Variants in SLC18A1 observed in about 807,000 individuals in gnomAD.
The protein encoded by SLC18A1 is chromaffin granule amine transporter.
SLC18A1 carries 69 observed loss-of-function variants against 53.7 expected under a neutral mutation model. The ratio of observed to expected loss-of-function variants is 1.28; its 90% CI spans 1.06 to 1.57. The LOEUF is 1.57. SLC18A1 is among the 40% of genes most tolerant of loss of function. The pLI is 0.00. For synonymous variants in SLC18A1, 320 were observed against 248.1 expected, an observed-to-expected ratio of 1.29 and a Z score of -2.72; for missense variants, 932 against 668.1, an observed-to-expected ratio of 1.40 and a Z score of -4.35.
At chr8:20,148,782 C>A (rs892269964) in intron 12 of SLC18A1, among the ~76,000 whole-genome samples, 5 of 152,174 alleles carry the variant, frequency 3.3e-5, no homozygotes, top group Non-Finnish European at 7.3e-5. Context: ...TGGCTGATAA[C>A]AATTTTTAGG....
chr8:20,165,150 T>C (rs748955428), intron 8 of SLC18A1, 43 bp from the exon 9 acceptor site: 17 of 1,498,858 alleles, frequency 1.1e-5, no homozygotes, highest in Non-Finnish European at 1.6e-5. Flanking sequence ...GTACAGTGCA[T>C]ACATCTCTCC....
intron 10 of SLC18A1, 118 bp from the exon 11 acceptor site, chr8:20,150,862 GT>G: frequency 1.1e-6 from 1 of 891,760 alleles, no homozygotes; most frequent in Non-Finnish European, 1.8e-6. Flanking sequence ...AAACCACTTT[GT>G]TTTATGATCT....
rs371096365 is a variant in SLC18A1 at position 20,162,259 on chromosome 8, C to T, written c.1015+2610G>A. Among the ~76,000 whole-genome samples, 9 of 152,288 alleles carry T rather than the reference C, an allele frequency of 5.9e-5. No individual in the cohort carries two copies. In the South Asian group the frequency reaches 1.5e-3, roughly 25 times the overall value. On this transcript the variant is annotated intron_variant, in intron 10 of 15. Coordinates refer to ENST00000276373, the MANE Select transcript of SLC18A1 (RefSeq NM_003053.4). ...GGGCCAGTAATGGGAAGCACAGCTTCGAAGGTCTCTAAAATGCCTTTGGGT... is the reference window on the plus strand; with the variant it reads ...GGGCCAGTAATGGGAAGCACAGCTTTGAAGGTCTCTAAAATGCCTTTGGGT...
At position 20,158,060 on chromosome 8, in the gene SLC18A1, A is replaced by C. The variant is rs570882979; in HGVS notation, c.1015+6809T>G. On this transcript the variant is annotated intron_variant, in intron 10 of 15. Coordinates refer to ENST00000276373, the MANE Select transcript of SLC18A1 (RefSeq NM_003053.4). Reference sequence around the variant, plus strand: ...GTCCTCTGAGTCAGAAGCCACTAACAGATGATCCAGCAGCAGGACTGAGGG... The same window carrying C: ...GTCCTCTGAGTCAGAAGCCACTAACCGATGATCCAGCAGCAGGACTGAGGG... Among the ~76,000 whole-genome samples, 14 of 152,366 alleles carry C rather than the reference A, an allele frequency of 9.2e-5. No individual in the cohort carries two copies. The South Asian group carries it at 2.1e-3, about 23-fold the overall frequency.
At chr8:20,175,757 A>C (rs1213686181) in intron 4 of SLC18A1, 1 of 152,182 alleles carries the variant, frequency 6.6e-6, no homozygotes, top group Non-Finnish European at 1.5e-5. Flanking sequence ...TTGCCCATTC[A>C]TTACAGATGT....
At chr8:20,181,790 G>A (rs971952431) in intron 1 of SLC18A1, 3 of 151,994 alleles carry the variant, frequency 2.0e-5, no homozygotes, top group Non-Finnish European at 4.4e-5. Flanking sequence ...TGAAGGTTAG[G>A]AGATTTGTTT....
In SLC18A1 at chr8:20,148,076, T is replaced by A. The variant is rs200725249; in HGVS notation, c.1147-6A>T. On this transcript the variant is annotated splice_region_variant and splice_polypyrimidine_tract_variant and intron_variant, in intron 12 of 15. Coordinates refer to ENST00000276373, the MANE Select transcript of SLC18A1 (RefSeq NM_003053.4). ...ATATTGTGAGCCAGAGGAACCTGCA[T>A]GGGGAAGGAGGAAGAGTCATCAGGA... 7 of 1,613,804 alleles carry A rather than the reference T, an allele frequency of 4.3e-6. No individual in the cohort carries two copies. The highest frequency in any genetic ancestry group is 5.9e-6 in the Non-Finnish European group (7 of 1,179,836).
intron 2 of SLC18A1, among the ~76,000 whole-genome samples, chr8:20,180,073 C>A (rs1197033732): frequency 2.6e-5 from 4 of 151,134 alleles, no homozygotes; most frequent in Non-Finnish European, 5.9e-5. Flanking sequence ...AAAGAAAACA[C>A]GATGTACCAC....
chr8:20,148,591 C>T (rs1010587489), intron 12 of SLC18A1: 5 of 591,156 alleles, frequency 8.5e-6, no homozygotes, highest in Non-Finnish European at 1.4e-5. Context: ...GGTGGTGTGG[C>T]TTGGGTCCCC....
intron 10 of SLC18A1, among the ~76,000 whole-genome samples, chr8:20,158,184 T>C (rs2071728702): frequency 6.6e-6 from 1 of 152,204 alleles, no homozygotes; most frequent in South Asian, 2.1e-4. Flanking sequence ...TAGACACTGG[T>C]GCAGCCTTCT....
At chr8:20,171,375 C>A in intron 7 of SLC18A1, 30 bp downstream of exon 7, 9 of 1,586,870 alleles carry the variant, frequency 5.7e-6, no homozygotes, top group Non-Finnish European at 7.8e-6. Flanking sequence ...CCTGGGCTGT[C>A]ACCTGCTGGA....
At chr8:20,166,300 T>C (rs1233435909) in intron 8 of SLC18A1, among the ~76,000 whole-genome samples, 1 of 86,766 alleles carries the variant, frequency 1.2e-5, no homozygotes, top group Non-Finnish European at 2.3e-5. Flanking sequence ...TATATATATA[T>C]ATATATATAT....
At position 20,165,056 on chromosome 8, in the gene SLC18A1, C is replaced by T; in HGVS notation, c.910G>A (p.Val304Met). ...FMLLKDPYIL[V>M]AAGSICFANM... The stretch of plus-strand genomic sequence containing the variant: ...GTCATCGCCAGCTTACCTGCAGCCA[C>T]CAGGATGTAAGGGTCTTTGAGAAGC... The change falls in exon 9 of 16, where the codon GTG (valine) becomes ATG (methionine). Residue 304 changes from valine (V) to methionine (M), a missense_variant. Val to Met is a conservative substitution (Grantham distance 21). Transcript: ENST00000276373. The T allele has an allele frequency of 6.2e-7, 1 of 1,614,160 alleles. No homozygotes were observed. Among genetic ancestry groups the T allele is most frequent in the Non-Finnish European group, 8.5e-7 (1 of 1,180,006 alleles).
Position 20,180,635 on chromosome 8 carries a change from A to G in SLC18A1, c.124+206T>C, listed in dbSNP as rs2058834864. 2.0e-5 allele frequency among the ~76,000 whole-genome samples: 3 copies of G among 151,732 alleles called. No individual in the cohort carries two copies. In the South Asian group the frequency reaches 6.2e-4, roughly 32 times the overall value. On this transcript the variant is annotated intron_variant, in intron 2 of 15. Transcript: ENST00000276373. ...CCTCTCTGGACCTCCTGCTCTTTGAACCTCCTGAGTCTTTTAGCTGTGTTT... is the reference window on the plus strand; with the variant it reads ...CCTCTCTGGACCTCCTGCTCTTTGAGCCTCCTGAGTCTTTTAGCTGTGTTT...
rs369916314 is a variant in SLC18A1, at chr8:20,179,523, C to T, written c.125-39G>A. On this transcript the variant is annotated intron_variant, in intron 2 of 15. Coordinates refer to ENST00000276373, the MANE Select transcript of SLC18A1 (RefSeq NM_003053.4). ...AGGACAGGTGATGGGGGCTAAGGAC[C>T]GATGTCATCTTACCACTGAAACTCA... 52 of 1,569,240 alleles carry T rather than the reference C, an allele frequency of 3.3e-5. No individual in the cohort carries two copies. The East Asian group carries it at 4.0e-4, about 12-fold the overall frequency.
intron 10 of SLC18A1, among the ~76,000 whole-genome samples, chr8:20,161,087 T>C (rs1425302370): frequency 1.3e-5 from 2 of 152,188 alleles, no homozygotes; most frequent in Non-Finnish European, 2.9e-5. Flanking sequence ...GCCTCCAAAA[T>C]TCATGTCCTT....
At chr8:20,158,121 C>G (rs1468030541) in intron 10 of SLC18A1, among the ~76,000 whole-genome samples, 1 of 152,196 alleles carries the variant, frequency 6.6e-6, no homozygotes, top group East Asian at 1.9e-4. Flanking sequence ...TCATCACCCT[C>G]ACAGAGCCCT....
intron 10 of SLC18A1, among the ~76,000 whole-genome samples, chr8:20,151,974 T>A (rs899619149): frequency 1.3e-5 from 2 of 152,172 alleles, no homozygotes; most frequent in Non-Finnish European, 1.5e-5. Flanking sequence ...AAGATAATTT[T>A]GAAAAGTGTT....
chr8:20,165,153 A>G (rs770564011), intron 8 of SLC18A1, 46 bp from the exon 9 acceptor site: 2 of 1,484,998 alleles, frequency 1.3e-6, no homozygotes, highest in Non-Finnish European at 1.9e-6. Context: ...CAGTGCATAC[A>G]TCTCTCCTAT....
Sources: allele counts gnomAD v4.1 joint callset (sites outside exome capture counted in the v4.1 genomes callset), GRCh38; gene constraint gnomAD v4.1.1; transcripts MANE v1.5; gene names NCBI Gene and HGNC (gene_info 2026-07-23, HGNC 2026-07-21).